TMEM266: variants seen among roughly 807,000 people sequenced by gnomAD.
The protein encoded by TMEM266 is Hv1 related protein 1.
Under a neutral mutation model 50.5 loss-of-function variants are expected in TMEM266, and 33 were observed. The ratio of observed to expected loss-of-function variants is 0.65; its 90% CI spans 0.50 to 0.87. The LOEUF (loss-of-function observed/expected upper bound fraction) is 0.87, where lower values mean the gene tolerates loss of function less well. TMEM266 is among the 40% of genes least tolerant of loss of function. TMEM266 has a pLI of 0.00. For synonymous variants in TMEM266, 310 were observed against 292.3 expected, an observed-to-expected ratio of 1.06 and a Z score of -0.62; for missense variants, 655 against 695.1, an observed-to-expected ratio of 0.94 and a Z score of 0.65.
chr15:76,072,260 A>C (rs1240364818), intron 1 of TMEM266, among the ~76,000 whole-genome samples: 1 of 151,726 alleles, frequency 6.6e-6, no homozygotes, highest in African/African-American at 2.4e-5. Flanking sequence ...CCAACATGGA[A>C]AAACCCCGTC....
At chr15:76,097,602 T>C (rs2959840) in intron 1 of TMEM266, among the ~76,000 whole-genome samples, 89,747 of 151,528 alleles carry the variant, frequency 0.59, 27,296 homozygotes, top group Admixed American at 0.71. Flanking sequence ...AGGAGTATCT[T>C]TGTGGTGTTC....
At position 76,133,687 on chromosome 15, in the gene TMEM266, C is replaced by T. The variant is rs114271379; in HGVS notation, c.-96-481C>T. Among the ~76,000 whole-genome samples the T allele has an allele frequency of 2.6e-3, 399 of 152,222 alleles. 1 individual carries two copies. Among genetic ancestry groups the T allele is most frequent in the African/African-American group, 9.1e-3 (376 of 41,508 alleles). On this transcript the variant is annotated intron_variant, in intron 1 of 10. Transcript: ENST00000388942. The stretch of plus-strand genomic sequence containing the variant: ...AGCTCCAGGATCTATTCTTTCTCTC[C>T]GCTCTCGGAATGAGCTGAGAGGAGA...
chr15:76,184,248 G>A lies in TMEM266; in HGVS notation c.769-7720G>A, dbSNP rs1034041290. Among the ~76,000 whole-genome samples, 11 of 152,202 alleles carry A rather than the reference G, an allele frequency of 7.2e-5. No individual in the cohort carries two copies. In the East Asian group the frequency reaches 1.9e-3, roughly 27 times the overall value. ...ATTCAGGATCTCCACTGTGGGAAGT[G>A]AAATTTTTTTTAAGATGGGAAGTGA... On this transcript the variant is annotated intron_variant, in intron 8 of 10. Coordinates refer to ENST00000388942, the MANE Select transcript of TMEM266 (RefSeq NM_152335.3).
intron 1 of TMEM266, among the ~76,000 whole-genome samples, chr15:76,078,211 A>G (rs1007945622): frequency 1.3e-5 from 2 of 152,148 alleles, no homozygotes; most frequent in African/African-American, 4.8e-5. Flanking sequence ...GGGCTTCCCC[A>G]TGGCCCAGAT....
At chr15:76,176,937 G>A (rs1033522032) in intron 8 of TMEM266, among the ~76,000 whole-genome samples, 15 of 152,350 alleles carry the variant, frequency 9.8e-5, no homozygotes, top group Middle Eastern at 3.4e-3. Context: ...ACTGTGCCAA[G>A]TGGAGTCACC....
chr15:76,088,338 A>AAGTTAGG (rs1172842481), intron 1 of TMEM266, among the ~76,000 whole-genome samples: 5 of 152,190 alleles, frequency 3.3e-5, no homozygotes, highest in African/African-American at 4.8e-5. Context: ...GGGCCTGAAG[A>AAGTTAGG]AGTTAGGAAA....
At chr15:76,100,706 C>T (rs1325153038) in intron 1 of TMEM266, among the ~76,000 whole-genome samples, 3 of 152,168 alleles carry the variant, frequency 2.0e-5, no homozygotes, top group African/African-American at 4.8e-5. Flanking sequence ...TCAGTCATTT[C>T]GCTGCCCCTG....
intron 1 of TMEM266, among the ~76,000 whole-genome samples, chr15:76,127,395 T>G (rs908290850): frequency 2.4e-4 from 36 of 150,976 alleles, no homozygotes; most frequent in African/African-American, 8.5e-4. Context: ...GGCTCAATCA[T>G]AGCTCACTGC....
intron 8 of TMEM266, among the ~76,000 whole-genome samples, chr15:76,180,340 A>G (rs1031474055): frequency 1.3e-5 from 2 of 152,074 alleles, no homozygotes; most frequent in Non-Finnish European, 2.9e-5. Flanking sequence ...GATGACCTGA[A>G]GGGTTTTGGG....
chr15:76,179,183 C>G (rs2038352924), intron 8 of TMEM266, among the ~76,000 whole-genome samples: 1 of 152,224 alleles, frequency 6.6e-6, no homozygotes, highest in South Asian at 2.1e-4. Context: ...AGGTGTGTCT[C>G]TCTTTAGAAC....
intron 1 of TMEM266, among the ~76,000 whole-genome samples, chr15:76,096,932 A>ATTTT (rs61532742): frequency 7.9e-6 from 1 of 125,926 alleles, no homozygotes. Flanking sequence ...GCAACTCCTG[A>ATTTT]TTTTTTTTTT....
chr15:76,135,292 A>T (rs2037571245), intron 2 of TMEM266, among the ~76,000 whole-genome samples: 1 of 152,174 alleles, frequency 6.6e-6, no homozygotes, highest in Admixed American at 6.5e-5. Context: ...TAGGCTAAAT[A>T]TAGCCTATAC....
chr15:76,156,866 G>A (rs1018153810), intron 4 of TMEM266, 108 bp downstream of exon 4: 118 of 1,185,684 alleles, frequency 1.0e-4, no homozygotes, highest in Admixed American at 4.2e-4. Context: ...TGCCCCCGCC[G>A]ATGCTGCTGC....
chr15:76,142,234 C>T (rs1206247723), intron 3 of TMEM266, among the ~76,000 whole-genome samples: 1 of 152,114 alleles, frequency 6.6e-6, no homozygotes, highest in East Asian at 1.9e-4. Context: ...ACTAAAAATA[C>T]AAAAATTAGC....
intron 3 of TMEM266, among the ~76,000 whole-genome samples, chr15:76,155,579 G>A (rs1313617418): frequency 1.3e-5 from 2 of 152,180 alleles, no homozygotes; most frequent in African/African-American, 2.4e-5. Flanking sequence ...GGTCCAGCAA[G>A]TTTGGGAAGC....
chr15:76,176,866 G>A lies in TMEM266; in HGVS notation c.768+1192G>A, dbSNP rs113862089. Among the ~76,000 whole-genome samples the A allele has an allele frequency of 9.1e-3, 1,387 of 152,312 alleles. 33 individuals are homozygous for A. Among genetic ancestry groups the A allele is most frequent in the African/African-American group, 0.032 (1,334 of 41,566 alleles). On this transcript the variant is annotated intron_variant, in intron 8 of 10. Coordinates refer to ENST00000388942, the MANE Select transcript of TMEM266 (RefSeq NM_152335.3). ...GAGGTCTCATGTGGCGTACAGGCCT[G>A]CTATGTGTCTGCCCGTCCTATCGAC... is the stretch of plus-strand genomic sequence containing the variant.
At chr15:76,110,428 T>C (rs1377652461) in intron 1 of TMEM266, among the ~76,000 whole-genome samples, 1 of 152,194 alleles carries the variant, frequency 6.6e-6, no homozygotes, top group African/African-American at 2.4e-5. Context: ...TATGAGACTT[T>C]TTTGTGATTT....
chr15:76,092,746 T>C (rs2037578238), intron 1 of TMEM266, among the ~76,000 whole-genome samples: 1 of 151,534 alleles, frequency 6.6e-6, no homozygotes, highest in South Asian at 2.1e-4. Context: ...TATGTTCTAG[T>C]CAGTATTCTA....
intron 1 of TMEM266, among the ~76,000 whole-genome samples, chr15:76,095,682 A>G (rs1308022609): frequency 6.6e-6 from 1 of 152,054 alleles, no homozygotes; most frequent in Non-Finnish European, 1.5e-5. Context: ...TAGTTTCAGA[A>G]GGAATGGTAC....
Sources: allele counts gnomAD v4.1 joint callset (sites outside exome capture counted in the v4.1 genomes callset), GRCh38; gene constraint gnomAD v4.1.1; transcripts MANE v1.5; gene names NCBI Gene and HGNC (gene_info 2026-07-23, HGNC 2026-07-21).